Variants in ZDHHC6 observed in about 807,000 individuals in gnomAD.
ZDHHC6 encodes zDHHC palmitoyltransferase 6.
Under a neutral mutation model 57.8 loss-of-function variants are expected in ZDHHC6, and 32 were observed. The observed-to-expected ratio is 0.55, with a 90% CI of 0.42 to 0.74. The LOEUF is 0.74. Among genes scored for constraint, ZDHHC6 ranks in the 30% least tolerant of loss-of-function variants. The pLI, the probability that ZDHHC6 is intolerant of heterozygous loss-of-function variation, is 0.00. For synonymous variants in ZDHHC6, 128 were observed against 158.0 expected, an observed-to-expected ratio of 0.81 and a Z score of 1.42; for missense variants, 433 against 500.7, an observed-to-expected ratio of 0.86 and a Z score of 1.29.
chr10:112,426,541 T>C (rs1844725088), downstream of ZDHHC6: 4 of 624,074 alleles, frequency 6.4e-6, no homozygotes, highest in East Asian at 1.1e-4. Flanking sequence ...TTTAAAATAA[T>C]ATGTTCATTG....
intron 6 of ZDHHC6, among the ~76,000 whole-genome samples, chr10:112,437,693 A>G (rs565461464): frequency 1.3e-5 from 2 of 152,332 alleles, no homozygotes; most frequent in South Asian, 4.1e-4. Context: ...TAATTTGGAA[A>G]TTGTGAATAT....
At chr10:112,426,025 T>C (rs549900738), downstream of ZDHHC6, among the ~76,000 whole-genome samples, 19 of 152,270 alleles carry the variant, frequency 1.2e-4, no homozygotes, top group East Asian at 9.7e-4. Context: ...TTAAGCTTAA[T>C]GTTGAAGGAT....
At chr10:112,442,573 C>G (rs1846226585) in intron 3 of ZDHHC6, among the ~76,000 whole-genome samples, 1 of 152,190 alleles carries the variant, frequency 6.6e-6, no homozygotes, top group Non-Finnish European at 1.5e-5. Context: ...TTTCTAACAG[C>G]TTCTGAGGAA....
chr10:112,443,113 T>G (rs1053081021), intron 3 of ZDHHC6, among the ~76,000 whole-genome samples: 2 of 152,206 alleles, frequency 1.3e-5, no homozygotes, highest in Non-Finnish European at 2.9e-5. Flanking sequence ...GTGTAAATGT[T>G]TGTCAATAAG....
Position 112,440,535 on chromosome 10 carries a change from T to C in ZDHHC6, c.680A>G (p.Gln227Arg). ...ACTTGAGGTAATTGAGATGCTTACC[T>C]GGATAAAAAACAACATCCCAACAGC... ...TIAVGMLFFI[Q>R]MKIILRNKTS... Residue 227 changes from glutamine to arginine, a missense_variant and splice_region_variant, in exon 5 of 11, where the codon CAG becomes CGG. Gln to Arg is a conservative substitution (Grantham distance 43). Transcript: ENST00000369405. 1.2e-6 allele frequency: 2 copies of C among 1,612,634 alleles called. No individual in the cohort carries two copies. Among genetic ancestry groups the C allele is most frequent in the Non-Finnish European group, 1.7e-6 (2 of 1,179,060 alleles).
upstream of ZDHHC6, chr10:112,447,024 G>GGT: frequency 3.5e-6 from 1 of 283,960 alleles, no homozygotes; most frequent in Non-Finnish European, 7.0e-6. Flanking sequence ...TGGATCCGGA[G>GGT]CCGATTCCCA....
chr10:112,446,394 G>T (rs1361435028), intron 1 of ZDHHC6, among the ~76,000 whole-genome samples: 2 of 152,126 alleles, frequency 1.3e-5, no homozygotes, highest in African/African-American at 2.4e-5. Context: ...CAGGAGCGAG[G>T]GAAATGGAAG....
intron 8 of ZDHHC6, 135 bp downstream of exon 8, chr10:112,433,105 T>C: frequency 9.2e-6 from 6 of 654,342 alleles, no homozygotes; most frequent in Non-Finnish European, 1.4e-5. Flanking sequence ...TGCATCAAAT[T>C]TCAACAAATG....
downstream of ZDHHC6, among the ~76,000 whole-genome samples, chr10:112,428,663 CAGA>C (rs1844830907): frequency 6.6e-6 from 1 of 151,862 alleles, no homozygotes; most frequent in Admixed American, 6.5e-5. Context: ...CCCAGCTACT[CAGA>C]AGATTGAGGC....
intron 6 of ZDHHC6, among the ~76,000 whole-genome samples, chr10:112,437,947 T>G (rs933928167): frequency 6.6e-6 from 1 of 151,410 alleles, no homozygotes; most frequent in Non-Finnish European, 1.5e-5. Flanking sequence ...AAGCAAAATG[T>G]TAGGAGCTTC....
rs967528962 is a variant in ZDHHC6 at position 112,445,228 on chromosome 10, T to G, written c.209A>C (p.Tyr70Ser). The change falls in exon 2 of 11, where the codon TAT becomes TCT. Residue 70 changes from tyrosine to serine, a missense_variant. Transcript: ENST00000369405. ...GACAAACATGGCATTGAAGTAATTA[T>G]AAAGAATCATGACAGTCCAATTTAT... ...MLINWTVMIL[Y>S]NYFNAMFVGP... 18 of 1,614,048 alleles carry G rather than the reference T, an allele frequency of 1.1e-5. 1 individual carries two copies. The South Asian group carries it at 2.0e-4, about 18-fold the overall frequency.
At chr10:112,441,602 T>C (rs889921025) in intron 4 of ZDHHC6, among the ~76,000 whole-genome samples, 3 of 152,202 alleles carry the variant, frequency 2.0e-5, no homozygotes, top group Non-Finnish European at 2.9e-5. Flanking sequence ...AGATCAAATA[T>C]GGGCTGTCCC....
At position 112,440,444 on chromosome 10, in the gene ZDHHC6, C is replaced by A. The variant is rs1392835190; in HGVS notation, c.681+90G>T. The A allele has an allele frequency of 1.6e-5, 22 of 1,339,154 alleles. 1 individual carries two copies. The highest frequency in any genetic ancestry group is 2.9e-5 in the African/African-American group (2 of 68,250). 83.0% of individuals were successfully genotyped at this position (1,339,154 alleles called of 1,614,324 possible). A position where few individuals can be genotyped will look rare whatever the true frequency, so the allele number is the denominator to read the frequency against. On this transcript the variant is annotated intron_variant, in intron 5 of 10. Coordinates refer to ENST00000369405, the MANE Select transcript of ZDHHC6 (RefSeq NM_022494.3). ...AAGCAAAAATAATTTCCATTTCATACTGGACACTTAAATACAGGCTTTGTC... is the reference window on the plus strand; with the variant it reads ...AAGCAAAAATAATTTCCATTTCATAATGGACACTTAAATACAGGCTTTGTC...
chr10:112,440,107 A>G, intron 5 of ZDHHC6, among the ~76,000 whole-genome samples: 1 of 101,748 alleles, frequency 9.8e-6, no homozygotes, highest in South Asian at 4.6e-4. Flanking sequence ...TGAATTAATC[A>G]TCTGTCGGGA....
At chr10:112,432,323 C>A in intron 9 of ZDHHC6, 37 bp from the exon 10 acceptor site, 1 of 1,607,338 alleles carries the variant, frequency 6.2e-7, no homozygotes, top group South Asian at 1.1e-5. Flanking sequence ...ATTTTTTAGG[C>A]TAGATATTAA....
At chr10:112,436,843 T>A (rs1457773023) in intron 6 of ZDHHC6, among the ~76,000 whole-genome samples, 3 of 152,170 alleles carry the variant, frequency 2.0e-5, no homozygotes, top group Non-Finnish European at 4.4e-5. Context: ...TGTCCTTTAT[T>A]TTTAACAGTC....
At chr10:112,433,635 C>G (rs1236291110) in intron 7 of ZDHHC6, 1 of 195,706 alleles carries the variant, frequency 5.1e-6, no homozygotes, top group Non-Finnish European at 1.0e-5. Context: ...ACATGGCAGA[C>G]AAACTACAAA....
chr10:112,445,961 G>C (rs1227884208), intron 1 of ZDHHC6, among the ~76,000 whole-genome samples: 2 of 152,168 alleles, frequency 1.3e-5, no homozygotes, highest in African/African-American at 2.4e-5. Flanking sequence ...AGAATTTTAG[G>C]ACCTTAGAGT....
exon 12 of ZDHHC6, chr10:112,424,823 C>G (rs1844607799): frequency 6.6e-6 from 1 of 152,246 alleles, no homozygotes; most frequent in Non-Finnish European, 1.5e-5. Context: ...CCTCTCAGCC[C>G]TGTTGCTGTC....
Sources: gnomAD v4.1 joint callset for allele counts (sites outside exome capture counted in the v4.1 genomes callset) on GRCh38, gnomAD v4.1.1 for gene constraint, MANE v1.5 for transcripts, NCBI Gene and HGNC (gene_info 2026-07-23, HGNC 2026-07-21) for gene names.